Variants in SLC35F1 observed in about 807,000 individuals in gnomAD.
The protein encoded by SLC35F1 is chromosome 6 open reading frame 169.
SLC35F1 carries 14 observed loss-of-function variants against 48.7 expected under a neutral mutation model. That is an observed-to-expected ratio of 0.29 (90% CI 0.19 to 0.45). The LOEUF is 0.45. Among genes scored for constraint, SLC35F1 ranks in the 20% least tolerant of loss-of-function variants. The pLI, the probability that SLC35F1 is intolerant of heterozygous loss-of-function variation, is 1.00. For synonymous variants in SLC35F1, 190 were observed against 202.2 expected (o/e 0.94, Z 0.51); for missense variants, 404 against 500.0 (o/e 0.81, Z 1.83).
At chr6:118,294,276 T>C (rs571716165) in intron 7 of SLC35F1, among the ~76,000 whole-genome samples, 9 of 152,370 alleles carry the variant, frequency 5.9e-5, no homozygotes, top group African/African-American at 1.4e-4. Flanking sequence ...GAAAACATTG[T>C]ATTAGTCATT....
At chr6:118,124,752 A>G (rs189463449) in intron 1 of SLC35F1, among the ~76,000 whole-genome samples, 12 of 152,220 alleles carry the variant, frequency 7.9e-5, no homozygotes, top group African/African-American at 2.6e-4. Context: ...AAGTGCATAT[A>G]CTCAAATTTC....
intron 1 of SLC35F1, among the ~76,000 whole-genome samples, chr6:118,120,098 G>C (rs1309592738): frequency 6.6e-6 from 1 of 152,192 alleles, no homozygotes; most frequent in African/African-American, 2.4e-5. Flanking sequence ...GCCTGGAGTA[G>C]ATAGTGGGTA....
At chr6:118,213,846 A>C (rs1306272663) in intron 2 of SLC35F1, among the ~76,000 whole-genome samples, 1 of 152,272 alleles carries the variant, frequency 6.6e-6, no homozygotes, top group Non-Finnish European at 1.5e-5. Flanking sequence ...GCAATTCATA[A>C]ATTTTCTAGC....
chr6:118,051,078 C>T (rs1772383416), intron 1 of SLC35F1, among the ~76,000 whole-genome samples: 1 of 152,122 alleles, frequency 6.6e-6, no homozygotes, highest in Non-Finnish European at 1.5e-5. Flanking sequence ...AGAATTTGTG[C>T]ATCCTCTCCT....
chr6:118,220,656 CA>C (rs1775134826), intron 2 of SLC35F1, among the ~76,000 whole-genome samples: 1 of 152,154 alleles, frequency 6.6e-6, no homozygotes, highest in Non-Finnish European at 1.5e-5. Context: ...GGGTGGAGCC[CA>C]GAAAGCAACA....
intron 2 of SLC35F1, among the ~76,000 whole-genome samples, chr6:118,156,847 A>G (rs867322895): frequency 6.6e-6 from 1 of 152,114 alleles, no homozygotes; most frequent in Non-Finnish European, 1.5e-5. Flanking sequence ...CTCACTTTTC[A>G]GGAATCCAGG....
chr6:118,027,679 A>C (rs1771979045), intron 1 of SLC35F1, among the ~76,000 whole-genome samples: 1 of 152,110 alleles, frequency 6.6e-6, no homozygotes, highest in Admixed American at 6.6e-5. Flanking sequence ...TTGGATTGTA[A>C]GAGCTCTTCA....
At position 118,077,698 on chromosome 6, in the gene SLC35F1, T is replaced by C. The variant is rs79591563; in HGVS notation, c.174-76747T>C. On this transcript the variant is annotated intron_variant, in intron 1 of 7. Coordinates refer to ENST00000360388, the MANE Select transcript of SLC35F1 (RefSeq NM_001029858.4). ...GTTTTATTTAGAAGCTTTGTCAGCA[T>C]ATTGAAGGCAGTGCAGAGCATACAG... 2.9e-3 allele frequency among the ~76,000 whole-genome samples: 441 copies of C among 151,894 alleles called. 1 individual carries two copies. The highest frequency in any genetic ancestry group is 4.5e-3 in the Non-Finnish European group (307 of 67,940).
chr6:118,287,877 G>A (rs373511649), intron 7 of SLC35F1, among the ~76,000 whole-genome samples: 1 of 152,246 alleles, frequency 6.6e-6, no homozygotes, highest in African/African-American at 2.4e-5. Flanking sequence ...AAGTAACTTC[G>A]CTGAAGAGGA....
intron 1 of SLC35F1, among the ~76,000 whole-genome samples, chr6:118,125,982 C>T (rs777633852): frequency 1.6e-4 from 25 of 152,078 alleles, no homozygotes; most frequent in Non-Finnish European, 2.8e-4. Flanking sequence ...TTTTTGCTAG[C>T]GTTTGGCCAT....
At position 118,306,587 on chromosome 6, in the gene SLC35F1, T is replaced by C. The variant is rs1259349489; in HGVS notation, c.1003-7441T>C. On this transcript the variant is annotated intron_variant, in intron 7 of 7. Coordinates refer to ENST00000360388, the MANE Select transcript of SLC35F1 (RefSeq NM_001029858.4). ...GTGCCTCCCACACAAATGTAATGTC[T>C]TTTTGACTACTGATAATAAGAACGA... 9.2e-5 allele frequency among the ~76,000 whole-genome samples: 14 copies of C among 152,336 alleles called. No homozygotes were observed. In the East Asian group the frequency reaches 2.7e-3, roughly 29 times the overall value.
chr6:117,966,400 C>T (rs1188868833), intron 1 of SLC35F1, among the ~76,000 whole-genome samples: 2 of 151,746 alleles, frequency 1.3e-5, no homozygotes, highest in South Asian at 2.1e-4. Flanking sequence ...CCGCGAAGAT[C>T]TGCAGCTTCA....
chr6:118,064,165 A>T (rs994606160), intron 1 of SLC35F1, among the ~76,000 whole-genome samples: 1 of 152,166 alleles, frequency 6.6e-6, no homozygotes, highest in Non-Finnish European at 1.5e-5. Flanking sequence ...CCATTTTAAA[A>T]ACCATCAGAT....
At chr6:118,050,632 A>G (rs1772375403) in intron 1 of SLC35F1, among the ~76,000 whole-genome samples, 1 of 152,056 alleles carries the variant, frequency 6.6e-6, no homozygotes, top group Non-Finnish European at 1.5e-5. Context: ...ACTGGAGGAG[A>G]GTGAGCACAA....
Position 117,917,191 on chromosome 6 carries a change from C to T in SLC35F1, c.173+9292C>T, listed in dbSNP as rs529981639. ...GGGTCTGGAGGAAAGTCATTCCAGG[C>T]AGAGATGCTAAGATGAAACAAGTCT... On this transcript the variant is annotated intron_variant, in intron 1 of 7. Coordinates refer to ENST00000360388, the MANE Select transcript of SLC35F1 (RefSeq NM_001029858.4). Among the ~76,000 whole-genome samples, 16 of 151,902 alleles carry T rather than the reference C, an allele frequency of 1.1e-4. No individual in the cohort carries two copies. In the South Asian group the frequency reaches 2.7e-3, roughly 26 times the overall value.
chr6:118,190,265 G>C (rs925003809), intron 2 of SLC35F1, among the ~76,000 whole-genome samples: 24 of 152,104 alleles, frequency 1.6e-4, no homozygotes, highest in African/African-American at 5.8e-4. Flanking sequence ...GGAACATCCT[G>C]TTTACAGGAG....
At chr6:118,123,553 G>A (rs1773582998) in intron 1 of SLC35F1, among the ~76,000 whole-genome samples, 1 of 152,024 alleles carries the variant, frequency 6.6e-6, no homozygotes, top group African/African-American at 2.4e-5. Context: ...TTTGCCTTTT[G>A]CTGTTCTACA....
intron 1 of SLC35F1, among the ~76,000 whole-genome samples, chr6:117,914,433 C>A (rs76080588): frequency 0.042 from 6,324 of 152,162 alleles, 174 homozygotes; most frequent in Middle Eastern, 0.12. Flanking sequence ...GACAGGGCTA[C>A]AATTTGTGAT....
At chr6:118,307,862 G>A (rs928863555) in intron 7 of SLC35F1, among the ~76,000 whole-genome samples, 11 of 152,198 alleles carry the variant, frequency 7.2e-5, no homozygotes, top group African/African-American at 2.2e-4. Context: ...ACATCCTTTC[G>A]TCCTGCACCA....
Sources: allele counts gnomAD v4.1 joint callset (sites outside exome capture counted in the v4.1 genomes callset), GRCh38; gene constraint gnomAD v4.1.1; transcripts MANE v1.5; gene names NCBI Gene and HGNC (gene_info 2026-07-23, HGNC 2026-07-21).